Variants in ITK observed in about 807,000 individuals in gnomAD.
ITK encodes the protein IL2 inducible T cell kinase, also known as tyrosine-protein kinase ITK/TSK.
A neutral mutation model predicts 87.6 loss-of-function variants in ITK; 45 were observed. The ratio of observed to expected loss-of-function variants is 0.51; its 90% CI spans 0.40 to 0.66. The LOEUF (loss-of-function observed/expected upper bound fraction) is 0.66. ITK is among the 30% of genes least tolerant of loss of function. The probability of loss-of-function intolerance (pLI) is 0.00; values close to 1 mark genes in which losing one functional copy is unlikely to be tolerated. For synonymous variants in ITK, 303 were observed against 273.6 expected, an observed-to-expected ratio of 1.11 and a Z score of -1.06; for missense variants, 605 against 766.3, an observed-to-expected ratio of 0.79 and a Z score of 2.48.
intron 15 of ITK, among the ~76,000 whole-genome samples, chr5:157,248,485 C>T (rs1421365195): frequency 1.3e-5 from 2 of 152,144 alleles, no homozygotes; most frequent in Non-Finnish European, 2.9e-5. Context: ...ATAGCTGTCT[C>T]CTTAAGACAG....
intron 5 of ITK, among the ~76,000 whole-genome samples, chr5:157,221,252 C>T (rs1754406916): frequency 6.6e-6 from 1 of 151,850 alleles, no homozygotes; most frequent in Non-Finnish European, 1.5e-5. Flanking sequence ...GGTATTGGGA[C>T]TCAACTACAG....
chr5:157,219,826 T>G (rs1455002990), intron 5 of ITK, among the ~76,000 whole-genome samples: 4 of 152,242 alleles, frequency 2.6e-5, no homozygotes, highest in Admixed American at 2.6e-4. Flanking sequence ...GAGGCTGCTC[T>G]TGTGTCTTTA....
chr5:157,218,664 A>T (rs1485273028), intron 5 of ITK, among the ~76,000 whole-genome samples: 1 of 152,136 alleles, frequency 6.6e-6, no homozygotes, highest in Non-Finnish European at 1.5e-5. Context: ...AGAGGGTTTT[A>T]GTTTTATTCT....
At chr5:157,212,027 G>T (rs1754201641) in intron 3 of ITK, among the ~76,000 whole-genome samples, 2 of 152,226 alleles carry the variant, frequency 1.3e-5, no homozygotes, top group African/African-American at 4.8e-5. Context: ...CACAGTTAGA[G>T]GCAGCAGTGT....
intron 1 of ITK, among the ~76,000 whole-genome samples, chr5:157,188,512 T>A (rs569340134): frequency 6.6e-6 from 1 of 152,224 alleles, no homozygotes; most frequent in South Asian, 2.1e-4. Context: ...AGGACTAGGG[T>A]GAGACAAGTG....
chr5:157,183,760 G>A (rs1265575231), intron 1 of ITK, among the ~76,000 whole-genome samples: 1 of 152,120 alleles, frequency 6.6e-6, no homozygotes, highest in African/African-American at 2.4e-5. Flanking sequence ...GGTGTCGGGT[G>A]TCAGAGCTTC....
intron 1 of ITK, among the ~76,000 whole-genome samples, chr5:157,191,015 C>A (rs142081336): frequency 3.0e-4 from 45 of 152,280 alleles, no homozygotes; most frequent in African/African-American, 9.9e-4. Flanking sequence ...TATACAATGG[C>A]CAAGAATAGA....
At chr5:157,190,741 A>C (rs1209640653) in intron 1 of ITK, among the ~76,000 whole-genome samples, 1 of 152,196 alleles carries the variant, frequency 6.6e-6, no homozygotes, top group Non-Finnish European at 1.5e-5. Flanking sequence ...AATGGGAAAG[A>C]GCATTCTGGG....
intron 16 of ITK, among the ~76,000 whole-genome samples, chr5:157,251,833 TCC>T (rs1755144041): frequency 1.3e-5 from 2 of 152,218 alleles, no homozygotes; most frequent in Non-Finnish European, 2.9e-5. Flanking sequence ...TCTGGGCTGA[TCC>T]ATTAATCTGT....
At chr5:157,239,800 A>G (rs994948314) in intron 9 of ITK, among the ~76,000 whole-genome samples, 1 of 152,184 alleles carries the variant, frequency 6.6e-6, no homozygotes, top group African/African-American at 2.4e-5. Flanking sequence ...CCATTCCCTC[A>G]TTTTGTGGCA....
Position 157,232,390 on chromosome 5 carries a change from A to T in ITK, c.764A>T (p.Asp255Val), listed in dbSNP as rs145877465. The change falls in exon 8 of 17, where the codon GAC (aspartate) becomes GTC (valine). Residue 255 changes from aspartate to valine, a missense_variant. Around this residue, in one of 3 missense-constraint regions of ITK, gnomAD observed 464 missense variants for 578.0 expected, o/e 0.80. Transcript: ENST00000422843. ...GACAAAGCTGAAAAACTTCTTTTGG[A>T]CACAGTAAGTCTCCTTAACCTGTCT... Reference protein sequence around the residue: ...SRDKAEKLLLDTGKEGAFMVR... With the variant: ...SRDKAEKLLLVTGKEGAFMVR... The T allele has an allele frequency of 3.6e-5, 57 of 1,601,488 alleles. 1 individual carries two copies. Among genetic ancestry groups the T allele is most frequent in the Non-Finnish European group, 2.6e-5 (30 of 1,169,160 alleles).
intron 4 of ITK, 106 bp downstream of exon 4, chr5:157,214,425 A>G: frequency 3.2e-6 from 3 of 930,564 alleles, no homozygotes; most frequent in Non-Finnish European, 5.3e-6. Context: ...GCAAAATTCT[A>G]CATTTTCAGA....
intron 15 of ITK, among the ~76,000 whole-genome samples, chr5:157,247,550 A>C (rs914337531): frequency 1.3e-5 from 2 of 152,238 alleles, no homozygotes; most frequent in African/African-American, 4.8e-5. Context: ...AAAGGGTGTC[A>C]GCCTGGGAAT....
In ITK at chr5:157,254,485, G is replaced by A. The variant is rs1755212538; in HGVS notation, c.*1807G>A. 4.5e-6 allele frequency: 1 copy of A among 220,514 alleles called. No homozygotes were observed. The highest frequency in any genetic ancestry group is 9.1e-6 in the Non-Finnish European group (1 of 110,198). The allele number at this position is 220,514 out of a possible 1,614,324, so 13.7% of individuals were successfully genotyped here. On this transcript the variant is annotated 3_prime_UTR_variant, in exon 17 of 17. Transcript: ENST00000422843. ...GTCTTCTTGAACACTTCATGAGGAG[G>A]GACATTCCCTGATATAAGAGAGGAT... is the stretch of plus-strand genomic sequence containing the variant.
chr5:157,190,399 G>A (rs983129662), intron 1 of ITK, among the ~76,000 whole-genome samples: 5 of 152,214 alleles, frequency 3.3e-5, no homozygotes, highest in East Asian at 1.9e-4. Context: ...CATTTGTTCC[G>A]CAAACATTTT....
At chr5:157,208,804 T>C in intron 1 of ITK, 85 bp from the exon 2 acceptor site, 1 of 931,134 alleles carries the variant, frequency 1.1e-6, no homozygotes, top group Non-Finnish European at 1.7e-6. Context: ...CAATGGATCT[T>C]ATCTAGCAGT....
chr5:157,237,871 T>C (rs1754808496), intron 8 of ITK, among the ~76,000 whole-genome samples: 2 of 152,238 alleles, frequency 1.3e-5, no homozygotes, highest in African/African-American at 4.8e-5. Context: ...AGAGCTTATG[T>C]CTCTGTCTCC....
Position 157,253,158 on chromosome 5 carries a change from A to G in ITK, c.*480A>G, listed in dbSNP as rs758235494. On this transcript the variant is annotated 3_prime_UTR_variant, in exon 17 of 17. Transcript: ENST00000422843. ...CAAAGAGCATGAGTCTTTTTCCAAG[A>G]AAACTGGTGAGTTAAGTAAGATTAG... The G allele has an allele frequency of 6.9e-6, 2 of 290,840 alleles. No homozygotes were observed. Among genetic ancestry groups the G allele is most frequent in the Non-Finnish European group, 1.3e-5 (2 of 150,706 alleles). The allele number at this position is 290,840 out of a possible 1,614,324, so 18.0% of individuals were successfully genotyped here. A position where few individuals can be genotyped will look rare whatever the true frequency, so the allele number is the denominator to read the frequency against.
chr5:157,248,345 G>C (rs1181650280), intron 15 of ITK, among the ~76,000 whole-genome samples: 1 of 152,028 alleles, frequency 6.6e-6, no homozygotes, highest in Non-Finnish European at 1.5e-5. Flanking sequence ...TGTTTTGCTT[G>C]GTCTACATGG....
Sources: allele counts gnomAD v4.1 joint callset (sites outside exome capture counted in the v4.1 genomes callset), GRCh38; gene constraint gnomAD v4.1.1; regional missense constraint gnomAD v4.1.1; transcripts MANE v1.5; gene names NCBI Gene and HGNC (gene_info 2026-07-23, HGNC 2026-07-21).